Variants in CDKAL1 observed in about 807,000 individuals in gnomAD.
The protein encoded by CDKAL1 is threonylcarbamoyladenosine tRNA methylthiotransferase.
Under a neutral mutation model 68.2 loss-of-function variants are expected in CDKAL1, and 32 were observed. The observed-to-expected ratio is 0.47, with a 90% CI of 0.35 to 0.63. The LOEUF is 0.63. CDKAL1 is among the 30% of genes least tolerant of loss of function. The probability of loss-of-function intolerance (pLI) is 0.00; values close to 1 mark genes in which losing one functional copy is unlikely to be tolerated. For synonymous variants in CDKAL1, 234 were observed against 244.3 expected (o/e 0.96, Z 0.39); for missense variants, 606 against 696.7 (o/e 0.87, Z 1.47).
At chr6:20,745,128 G>A (rs1228454568) in intron 6 of CDKAL1, among the ~76,000 whole-genome samples, 2 of 152,222 alleles carry the variant, frequency 1.3e-5, no homozygotes, top group Non-Finnish European at 2.9e-5. Context: ...TTATCTCAGG[G>A]ACTATTAGCA....
chr6:21,119,446 C>G (rs1017309587), intron 13 of CDKAL1, among the ~76,000 whole-genome samples: 1 of 152,098 alleles, frequency 6.6e-6, no homozygotes, highest in Non-Finnish European at 1.5e-5. Context: ...GGGATTTTGT[C>G]TATTTTGTTC....
chr6:20,773,536 CTTAT>C lies in CDKAL1; in HGVS notation c.518-7602_518-7599del, dbSNP rs545762008. ...TTGATATGTACGGTACATTTATTTA[CTTAT>C]TTATTTTTTATTTTTATTTTTTTTT... On this transcript the variant is annotated intron_variant, in intron 7 of 15. Transcript: ENST00000274695. 1.7e-3 allele frequency among the ~76,000 whole-genome samples: 263 copies of C among 152,084 alleles called. 2 individuals are homozygous for C. Among genetic ancestry groups the C allele is most frequent in the African/African-American group, 6.1e-3 (254 of 41,504 alleles).
intron 13 of CDKAL1, among the ~76,000 whole-genome samples, chr6:21,142,252 G>C (rs1184005308): frequency 2.0e-5 from 3 of 151,502 alleles, no homozygotes; most frequent in African/African-American, 7.3e-5. Flanking sequence ...GGTAGAACAG[G>C]GTCCTCTCTG....
At chr6:20,677,321 C>T (rs1449487466) in intron 5 of CDKAL1, among the ~76,000 whole-genome samples, 3 of 152,196 alleles carry the variant, frequency 2.0e-5, no homozygotes, top group African/African-American at 7.2e-5. Flanking sequence ...CCACCTGCCT[C>T]AGCCTCTCAA....
chr6:21,036,839 C>A (rs201296), intron 11 of CDKAL1, among the ~76,000 whole-genome samples: 23,149 of 152,212 alleles, frequency 0.15, 2,062 homozygotes, highest in Middle Eastern at 0.23. Context: ...TCTGTCAATT[C>A]ATCAAAGCCA....
chr6:20,872,219 G>T (rs565784106), intron 9 of CDKAL1, among the ~76,000 whole-genome samples: 4 of 152,124 alleles, frequency 2.6e-5, no homozygotes, highest in Non-Finnish European at 4.4e-5. Context: ...GAAAACGTGT[G>T]TGAAAATAAT....
intron 13 of CDKAL1, among the ~76,000 whole-genome samples, chr6:21,118,793 A>T (rs1774552408): frequency 6.6e-6 from 1 of 152,204 alleles, no homozygotes; most frequent in Admixed American, 6.5e-5. Context: ...ATAAAAATAA[A>T]GGAATTTTAA....
At position 20,886,414 on chromosome 6, in the gene CDKAL1, G is replaced by A. The variant is rs1761070530; in HGVS notation, c.742+40236G>A. On this transcript the variant is annotated intron_variant, in intron 9 of 15. Transcript: ENST00000274695. ...ATATGCTCCAAAGAATTAAAAACAG[G>A]GACTCAACCTGATACACATACACAA... 2.0e-5 allele frequency among the ~76,000 whole-genome samples: 3 copies of A among 152,056 alleles called. No individual in the cohort carries two copies. The South Asian group carries it at 6.2e-4, about 32-fold the overall frequency.
intron 4 of CDKAL1, among the ~76,000 whole-genome samples, chr6:20,639,053 G>A (rs1197465977): frequency 6.6e-6 from 1 of 152,102 alleles, no homozygotes; most frequent in South Asian, 2.1e-4. Flanking sequence ...TAAGTACAAC[G>A]TCTGTCTTGT....
At chr6:20,713,186 C>T (rs1428673592) in intron 5 of CDKAL1, among the ~76,000 whole-genome samples, 3 of 152,114 alleles carry the variant, frequency 2.0e-5, no homozygotes, top group Non-Finnish European at 2.9e-5. Context: ...TACCTGGAAT[C>T]GACATTCTGC....
intron 9 of CDKAL1, among the ~76,000 whole-genome samples, chr6:20,896,013 A>G (rs1159971752): frequency 2.6e-5 from 4 of 152,146 alleles, no homozygotes; most frequent in African/African-American, 9.7e-5. Flanking sequence ...ATTCTGAGCA[A>G]TGACTGAAAG....
intron 4 of CDKAL1, among the ~76,000 whole-genome samples, chr6:20,621,465 G>A (rs976504409): frequency 1.3e-5 from 2 of 152,048 alleles, no homozygotes; most frequent in Admixed American, 1.3e-4. Context: ...TTCCATACTG[G>A]AAGTCATTAC....
chr6:21,182,757 G>T (rs71563985), intron 13 of CDKAL1, among the ~76,000 whole-genome samples: 2 of 152,146 alleles, frequency 1.3e-5, no homozygotes, highest in Admixed American at 6.5e-5. Flanking sequence ...ATTAAGAAAG[G>T]CATATCCTAT....
chr6:20,733,372 G>A (rs1581470324), intron 5 of CDKAL1, among the ~76,000 whole-genome samples: 1 of 152,136 alleles, frequency 6.6e-6, no homozygotes, highest in African/African-American at 2.4e-5. Context: ...TCTGGCATGT[G>A]ATACATGAAC....
At chr6:20,830,444 G>A (rs755818008) in intron 8 of CDKAL1, among the ~76,000 whole-genome samples, 1 of 150,980 alleles carries the variant, frequency 6.6e-6, no homozygotes, top group Non-Finnish European at 1.5e-5. Context: ...CTCAGGTAAA[G>A]AATTTGTATG....
At position 20,870,751 on chromosome 6, in the gene CDKAL1, T is replaced by C. The variant is rs921116683; in HGVS notation, c.742+24573T>C. On this transcript the variant is annotated intron_variant, in intron 9 of 15. Transcript: ENST00000274695. The stretch of plus-strand genomic sequence containing the variant: ...GACTTTGGGCAAATAATTTAACCTT[T>C]GAAATTGTCAATTGAAATTGAAAGT... Among the ~76,000 whole-genome samples the C allele has an allele frequency of 4.1e-4, 62 of 152,342 alleles. 2 individuals carry two copies. The highest frequency in any genetic ancestry group is 8.8e-5 in the Non-Finnish European group (6 of 68,028).
intron 9 of CDKAL1, among the ~76,000 whole-genome samples, chr6:20,875,922 A>C (rs1218399885): frequency 6.6e-6 from 1 of 152,226 alleles, no homozygotes; most frequent in Non-Finnish European, 1.5e-5. Context: ...TTAAAAATAT[A>C]AACTGTGGGA....
At chr6:20,897,104 T>C (rs930744006) in intron 9 of CDKAL1, among the ~76,000 whole-genome samples, 7 of 152,146 alleles carry the variant, frequency 4.6e-5, no homozygotes, top group African/African-American at 1.7e-4. Context: ...CCTTCAAAAA[T>C]GGTCCCTTCT....
intron 9 of CDKAL1, among the ~76,000 whole-genome samples, chr6:20,940,530 T>G (rs9350301): frequency 0.18 from 27,027 of 152,092 alleles, 2,782 homozygotes; most frequent in Admixed American, 0.26. Context: ...ATATCCAAAA[T>G]GCTAATTTCA....
Sources: gnomAD v4.1 joint callset for allele counts (sites outside exome capture counted in the v4.1 genomes callset) on GRCh38, gnomAD v4.1.1 for gene constraint, MANE v1.5 for transcripts, NCBI Gene and HGNC (gene_info 2026-07-23, HGNC 2026-07-21) for gene names.